The following CD59 variants were observed in gnomAD, a reference collection of about 807,000 sequenced individuals.
The protein encoded by CD59 is CD59 molecule (CD59 blood group).
Under a neutral mutation model 7.0 loss-of-function variants are expected in CD59, and 3 were observed. The ratio of observed to expected loss-of-function variants is 0.43; its 90% CI spans 0.19 to 1.10. CD59 has a LOEUF of 1.10. Among genes scored for constraint, CD59 ranks in the 50% least tolerant of loss-of-function variants. The pLI is 0.29. For missense variants in CD59, 143 were observed against 151.0 expected (o/e 0.95, Z 0.28); for synonymous variants, 60 against 62.0 (o/e 0.97, Z 0.15).
intron 3 of CD59, among the ~76,000 whole-genome samples, chr11:33,713,805 C>T (rs1391301931): frequency 6.6e-6 from 1 of 152,168 alleles, no homozygotes; most frequent in Non-Finnish European, 1.5e-5. Flanking sequence ...AAACAACAGC[C>T]TTAACGATGG....
chr11:33,713,929 A>T (rs976071907), intron 3 of CD59, among the ~76,000 whole-genome samples: 3 of 152,210 alleles, frequency 2.0e-5, no homozygotes, highest in African/African-American at 7.2e-5. Context: ...ACTTCGGCTC[A>T]AGTCTATCTA....
At chr11:33,717,737 G>A (rs1160571761) in intron 2 of CD59, 5 of 430,432 alleles carry the variant, frequency 1.2e-5, no homozygotes, top group Non-Finnish European at 2.2e-5. Context: ...ACCTGCAACT[G>A]GAAGGAGATT....
At chr11:33,713,697 G>A (rs751455203) in intron 3 of CD59, among the ~76,000 whole-genome samples, 14 of 152,188 alleles carry the variant, frequency 9.2e-5, no homozygotes, top group Non-Finnish European at 1.6e-4. Flanking sequence ...TAGAAGCTTG[G>A]GGAGAACAGA....
intron 1 of CD59, 149 bp from the exon 2 acceptor site, chr11:33,722,612 G>C: frequency 6.0e-6 from 9 of 1,509,028 alleles, no homozygotes; most frequent in Non-Finnish European, 8.0e-6. Flanking sequence ...CCATGCCCCA[G>C]CTCTGACCCA....
At chr11:33,714,748 T>G (rs1044689853) in intron 3 of CD59, among the ~76,000 whole-genome samples, 2 of 152,168 alleles carry the variant, frequency 1.3e-5, no homozygotes, top group African/African-American at 4.8e-5. Flanking sequence ...TTGTTAAAAA[T>G]GAAGACACAA....
intron 3 of CD59, among the ~76,000 whole-genome samples, chr11:33,712,084 G>A (rs1447248781): frequency 3.9e-5 from 6 of 152,144 alleles, no homozygotes; most frequent in East Asian, 1.9e-4. Flanking sequence ...AATACACTTC[G>A]TTTATGTTTC....
intron 2 of CD59, among the ~76,000 whole-genome samples, chr11:33,720,111 C>G (rs10501127): frequency 0.12 from 18,535 of 152,210 alleles, 1,438 homozygotes; most frequent in Non-Finnish European, 0.16. Context: ...CAAAAATATT[C>G]ATGGCAAACA....
At chr11:33,722,799 C>T in intron 1 of CD59, 1 of 992,612 alleles carries the variant, frequency 1.0e-6, no homozygotes, top group Non-Finnish European at 1.3e-6. Context: ...AAGCTGCTGG[C>T]TGAAAGAGAG....
At chr11:33,726,780 G>GACTA (rs756698145) in intron 1 of CD59, among the ~76,000 whole-genome samples, 98 of 152,090 alleles carry the variant, frequency 6.4e-4, no homozygotes, top group South Asian at 1.5e-3. Flanking sequence ...CTGTTAGCCA[G>GACTA]ACTAATAAAG....
rs956887912 is a variant in CD59 at position 33,703,885 on chromosome 11, T to C, written c.*6241A>G. Reference sequence around the variant, plus strand: ...TCTCTATTTAACCGAGGCTGACTCATTGCAGTTGGCACTAATTTTCCATTG... The same window carrying C: ...TCTCTATTTAACCGAGGCTGACTCACTGCAGTTGGCACTAATTTTCCATTG... On this transcript the variant is annotated 3_prime_UTR_variant, in exon 4 of 4. Coordinates refer to ENST00000642928, the MANE Select transcript of CD59 (RefSeq NM_000611.6). 4.6e-5 allele frequency: 7 copies of C among 152,264 alleles called. No homozygotes were observed. The highest frequency in any genetic ancestry group is 1.4e-4 in the African/African-American group (6 of 41,444). 9.4% of individuals were successfully genotyped at this position (152,264 alleles called of 1,614,324 possible).
chr11:33,730,648 T>C (rs576571445), intron 1 of CD59, among the ~76,000 whole-genome samples: 1 of 152,184 alleles, frequency 6.6e-6, no homozygotes, highest in Non-Finnish European at 1.5e-5. Context: ...TGATGCTAAT[T>C]ATCTGTGAGC....
At chr11:33,726,468 T>C (rs1295000725) in intron 1 of CD59, among the ~76,000 whole-genome samples, 2 of 152,232 alleles carry the variant, frequency 1.3e-5, no homozygotes, top group Non-Finnish European at 2.9e-5. Context: ...AAAGATGTTC[T>C]TTGAAACCAA....
intron 1 of CD59, among the ~76,000 whole-genome samples, chr11:33,732,927 G>T (rs1380437272): frequency 6.6e-6 from 1 of 152,174 alleles, no homozygotes; most frequent in African/African-American, 2.4e-5. Flanking sequence ...AATCCCAGGG[G>T]TCATTGAAAG....
chr11:33,724,775 A>G lies in CD59; in HGVS notation c.-18-2312T>C, dbSNP rs114167231. ...TTGGGGAGTGTCAAGTCTTAGCCTC[A>G]GTTCCACATGACTGGCTGGTTGTTG... On this transcript the variant is annotated intron_variant, in intron 1 of 3. Coordinates refer to ENST00000642928, the MANE Select transcript of CD59 (RefSeq NM_000611.6). Among the ~76,000 whole-genome samples, 679 of 152,306 alleles carry G rather than the reference A, an allele frequency of 4.5e-3. 7 individuals carry two copies. The highest frequency in any genetic ancestry group is 0.016 in the African/African-American group (660 of 41,568).
intron 3 of CD59, among the ~76,000 whole-genome samples, chr11:33,711,659 A>T (rs1853565976): frequency 6.6e-6 from 1 of 152,130 alleles, no homozygotes; most frequent in African/African-American, 2.4e-5. Context: ...CCTAGGCAAC[A>T]AAGCAAGACC....
chr11:33,722,574 G>T, intron 1 of CD59, 111 bp from the exon 2 acceptor site: 1 of 1,533,520 alleles, frequency 6.5e-7, no homozygotes, highest in Admixed American at 2.0e-5. Context: ...CATTTACAGG[G>T]GGAGTCAAGG....
At position 33,717,585 on chromosome 11, in the gene CD59, T is replaced by G; in HGVS notation, c.68-114A>C. On this transcript the variant is annotated intron_variant, in intron 2 of 3. Coordinates refer to ENST00000642928, the MANE Select transcript of CD59 (RefSeq NM_000611.6). Reference sequence around the variant, plus strand: ...TCAGCAACTTGTGGTATACTTCCACTCCCGCACAAATGTATAGCAGTTATA... The same window carrying G: ...TCAGCAACTTGTGGTATACTTCCACGCCCGCACAAATGTATAGCAGTTATA... The G allele has an allele frequency of 1.3e-5, 9 of 718,688 alleles. No homozygotes were observed. The South Asian group carries it at 1.3e-4, about 11-fold the overall frequency. 44.5% of individuals were successfully genotyped at this position (718,688 alleles called of 1,614,324 possible).
chr11:33,724,972 T>C (rs559071786), intron 1 of CD59, among the ~76,000 whole-genome samples: 3 of 152,100 alleles, frequency 2.0e-5, no homozygotes, highest in African/African-American at 7.2e-5. Context: ...AGTATGTGTA[T>C]GTGTATGGGG....
rs1384972145 is a variant in CD59, at chr11:33,710,246, G to A, written c.267C>T (p.Cys89=). 8 of 1,613,998 alleles carry A rather than the reference G, an allele frequency of 5.0e-6. No individual in the cohort carries two copies. The African/African-American group carries it at 1.1e-4, about 22-fold the overall frequency. ...CGTTAAAGTTACACAGGTCCTTCTT[G>A]CAGCAGTAGTACGTTAGCTCATTTT... ...LRENELTYYC[C]KKDLCNFNEQ... The change falls in exon 4 of 4, where the codon TGC becomes TGT. Residue 89 remains cysteine, a synonymous_variant. Transcript: ENST00000642928.
Sources: gnomAD v4.1 joint callset for allele counts (sites outside exome capture counted in the v4.1 genomes callset) on GRCh38, gnomAD v4.1.1 for gene constraint, MANE v1.5 for transcripts, NCBI Gene and HGNC (gene_info 2026-07-23, HGNC 2026-07-21) for gene names.